Variants in NAALADL2 observed in about 807,000 individuals in gnomAD.
The protein encoded by NAALADL2 is N-acetylated alpha-linked acidic dipeptidase like 2, also known as inactive N-acetylated-alpha-linked acidic dipeptidase-like protein 2.
A neutral mutation model predicts 87.2 loss-of-function variants in NAALADL2; 76 were observed. That is an observed-to-expected ratio of 0.87 (90% CI 0.72 to 1.05). The LOEUF (loss-of-function observed/expected upper bound fraction) is 1.05. NAALADL2 is among the 50% of genes least tolerant of loss of function. The probability of loss-of-function intolerance (pLI) is 0.00; values close to 1 mark genes in which losing one functional copy is unlikely to be tolerated. For missense variants in NAALADL2, 1,089 were observed against 945.8 expected, an observed-to-expected ratio of 1.15 and a Z score of -1.99; for synonymous variants, 354 against 331.0, an observed-to-expected ratio of 1.07 and a Z score of -0.75.
chr3:175,059,981 C>A, intron 1 of NAALADL2: 3 of 436,316 alleles, frequency 6.9e-6, no homozygotes, highest in South Asian at 5.5e-5. Flanking sequence ...GCCAGGTAAT[C>A]ATTGAGCACA....
intron 4 of NAALADL2, among the ~76,000 whole-genome samples, chr3:175,277,453 A>G (rs1044628835): frequency 3.9e-5 from 6 of 152,192 alleles, no homozygotes; most frequent in Non-Finnish European, 5.9e-5. Flanking sequence ...CTGTGGATCT[A>G]AAAACCAATA....
In NAALADL2 at chr3:175,179,004, C is replaced by G. The variant is rs28418312; in HGVS notation, c.546-54927C>G. Among the ~76,000 whole-genome samples the G allele has an allele frequency of 2.9e-3, 434 of 152,066 alleles. 1 individual carries two copies. The highest frequency in any genetic ancestry group is 0.01 in the African/African-American group (420 of 41,512). On this transcript the variant is annotated intron_variant, in intron 2 of 13. Transcript: ENST00000454872. ...TACAGACACTCTTCACCAGCGTTTA[C>G]CAAACTATTCTTCTGCCTAGAAATG...
intron 1 of NAALADL2, among the ~76,000 whole-genome samples, chr3:174,921,339 T>G (rs927309732): frequency 1.3e-5 from 2 of 152,184 alleles, no homozygotes; most frequent in African/African-American, 4.8e-5. Context: ...CTAAATCACT[T>G]AAATACAATT....
chr3:175,560,116 A>T (rs1344267253), intron 9 of NAALADL2, among the ~76,000 whole-genome samples: 1 of 152,042 alleles, frequency 6.6e-6, no homozygotes, highest in Non-Finnish European at 1.5e-5. Flanking sequence ...TGATGTCTTT[A>T]CTTGTTATTG....
intron 5 of NAALADL2, among the ~76,000 whole-genome samples, chr3:175,431,334 G>C (rs1717721593): frequency 6.6e-6 from 1 of 152,048 alleles, no homozygotes; most frequent in Non-Finnish European, 1.5e-5. Context: ...ACAATATGCA[G>C]TATCAGAAGG....
At chr3:175,483,551 A>G (rs893259730) in intron 9 of NAALADL2, among the ~76,000 whole-genome samples, 6 of 151,878 alleles carry the variant, frequency 4.0e-5, no homozygotes, top group Admixed American at 3.3e-4. Context: ...CAAGTCAGCC[A>G]TGCTCAGGGC....
chr3:175,049,881 G>T (rs1341774506), intron 1 of NAALADL2, among the ~76,000 whole-genome samples: 8 of 152,190 alleles, frequency 5.3e-5, no homozygotes, highest in Non-Finnish European at 1.2e-4. Flanking sequence ...AATACAGCAA[G>T]TTCTCAAATG....
At chr3:175,140,335 G>C (rs186773567) in intron 2 of NAALADL2, among the ~76,000 whole-genome samples, 7 of 152,224 alleles carry the variant, frequency 4.6e-5, no homozygotes, top group Non-Finnish European at 8.8e-5. Context: ...ACTAGAAAAT[G>C]TACTATATGC....
intron 4 of NAALADL2, among the ~76,000 whole-genome samples, chr3:175,319,491 G>T (rs1392018664): frequency 1.3e-5 from 2 of 152,088 alleles, no homozygotes; most frequent in Non-Finnish European, 2.9e-5. Flanking sequence ...TAATAGGAGG[G>T]CTTCCCAAAT....
intron 1 of NAALADL2, among the ~76,000 whole-genome samples, chr3:174,500,856 A>C (rs2108367764): frequency 7.6e-6 from 1 of 132,132 alleles, no homozygotes; most frequent in East Asian, 2.2e-4. Context: ...ATTCCATTGG[A>C]TAATTTTTTT....
intron 1 of NAALADL2, among the ~76,000 whole-genome samples, chr3:174,890,045 T>C (rs1216243833): frequency 6.6e-6 from 1 of 152,122 alleles, no homozygotes; most frequent in Non-Finnish European, 1.5e-5. Context: ...TTCCAAATTG[T>C]AGGGGAGCTA....
rs572056947 is a variant in NAALADL2, at chr3:175,049,023, T to C, written c.44-47767T>C. ...TCAGTTGCAAATACAGTAGTCTCCC[T>C]TTATCCATGGGGATACATCCTAAGA... is the stretch of plus-strand genomic sequence containing the variant. On this transcript the variant is annotated intron_variant, in intron 1 of 13. Coordinates refer to ENST00000454872, the MANE Select transcript of NAALADL2 (RefSeq NM_207015.3). 7.4e-4 allele frequency among the ~76,000 whole-genome samples: 113 copies of C among 152,282 alleles called. 2 individuals are homozygous for C. Among genetic ancestry groups the C allele is most frequent in the Non-Finnish European group, 1.4e-3 (98 of 68,018 alleles).
At chr3:175,157,739 A>G (rs1262261894) in intron 2 of NAALADL2, among the ~76,000 whole-genome samples, 1 of 152,024 alleles carries the variant, frequency 6.6e-6, no homozygotes, top group Non-Finnish European at 1.5e-5. Flanking sequence ...TCATCTCTCC[A>G]TGTTTAACTA....
chr3:175,025,597 A>G (rs921855310), intron 1 of NAALADL2, among the ~76,000 whole-genome samples: 3 of 152,184 alleles, frequency 2.0e-5, no homozygotes, highest in African/African-American at 7.2e-5. Flanking sequence ...GTTTATTTCC[A>G]AACTTTGTCA....
intron 3 of NAALADL2, among the ~76,000 whole-genome samples, chr3:174,783,889 T>G (rs918358868): frequency 1.7e-4 from 26 of 152,070 alleles, no homozygotes; most frequent in Non-Finnish European, 3.2e-4. Flanking sequence ...GTGATACTGA[T>G]GTACAGGTAG....
At chr3:175,558,262 T>A (rs1208143789) in intron 9 of NAALADL2, among the ~76,000 whole-genome samples, 2 of 151,754 alleles carry the variant, frequency 1.3e-5, no homozygotes, top group South Asian at 2.1e-4. Context: ...TTGCCATTTT[T>A]AAAATCAGGT....
intron 1 of NAALADL2, among the ~76,000 whole-genome samples, chr3:174,491,427 C>A (rs975332641): frequency 4.5e-4 from 69 of 152,034 alleles, no homozygotes; most frequent in Admixed American, 7.2e-4. Flanking sequence ...TTAAACAAAT[C>A]GTGTTTAATA....
chr3:175,104,192 G>A (rs757364062), intron 2 of NAALADL2, among the ~76,000 whole-genome samples: 1 of 152,022 alleles, frequency 6.6e-6, no homozygotes, highest in Non-Finnish European at 1.5e-5. Flanking sequence ...GTATAATTGA[G>A]CAAGTTTCCT....
At chr3:175,689,269 C>G (rs779456557) in intron 11 of NAALADL2, among the ~76,000 whole-genome samples, 2 of 151,990 alleles carry the variant, frequency 1.3e-5, no homozygotes, top group Non-Finnish European at 2.9e-5. Flanking sequence ...AATATCTTCT[C>G]AGGAATCATT....
Sources: allele counts gnomAD v4.1 joint callset (sites outside exome capture counted in the v4.1 genomes callset), GRCh38; gene constraint gnomAD v4.1.1; transcripts MANE v1.5; gene names NCBI Gene and HGNC (gene_info 2026-07-23, HGNC 2026-07-21).